Variants in ATAD3C observed in about 807,000 individuals in gnomAD.
ATAD3C encodes the protein ATPase family AAA domain-containing protein 3C.
Under a neutral mutation model 46.3 loss-of-function variants are expected in ATAD3C, and 38 were observed. The observed-to-expected ratio is 0.82, with a 90% CI of 0.63 to 1.08. The LOEUF is 1.08. ATAD3C is among the 50% of genes least tolerant of loss of function. ATAD3C has a pLI of 0.00. For missense variants in ATAD3C, 563 were observed against 572.7 expected (o/e 0.98, Z 0.17); for synonymous variants, 220 against 236.4 (o/e 0.93, Z 0.63).
chr1:1,466,275 C>CGGT, intron 11 of ATAD3C, among the ~76,000 whole-genome samples: 1 of 148,862 alleles, frequency 6.7e-6, no homozygotes, highest in African/African-American at 2.5e-5. Flanking sequence ...TGGCTGGGCG[C>CGGT]GGTGGCTCAC....
At chr1:1,454,253 C>CGGAGAGAGGGTGGGGGCA (rs1553198338) in intron 3 of ATAD3C, 92 bp from the exon 4 acceptor site, 14 of 1,488,270 alleles carry the variant, frequency 9.4e-6, no homozygotes, top group Non-Finnish European at 1.3e-5. Flanking sequence ...CTCCCTCAGG[C>CGGAGAGAGGGTGGGGGCA]GGAGAGAGGG....
intron 8 of ATAD3C, 30 bp downstream of exon 8, chr1:1,457,210 C>T: frequency 6.2e-7 from 1 of 1,613,256 alleles, no homozygotes; most frequent in Non-Finnish European, 8.5e-7. Context: ...TGTCTGGCCA[C>T]AGGAGGGTGG....
At chr1:1,457,453 G>T (rs1259910098) in intron 8 of ATAD3C, among the ~76,000 whole-genome samples, 2 of 151,280 alleles carry the variant, frequency 1.3e-5, no homozygotes, top group South Asian at 4.2e-4. Flanking sequence ...AAAATTAGCT[G>T]TGCGTGGTGG....
chr1:1,457,944 G>A (rs1310193696), intron 8 of ATAD3C, among the ~76,000 whole-genome samples: 1 of 151,372 alleles, frequency 6.6e-6, no homozygotes, highest in African/African-American at 2.4e-5. Context: ...TCAAAGTGCT[G>A]GTATTATAGG....
Position 1,449,915 on chromosome 1 carries a change from T to C in ATAD3C, c.-769T>C, listed in dbSNP as rs1638825823. 1.3e-5 allele frequency: 2 copies of C among 152,062 alleles called. No individual in the cohort carries two copies. Among genetic ancestry groups the C allele is most frequent in the Non-Finnish European group, 2.9e-5 (2 of 67,958 alleles). 9.4% of individuals were successfully genotyped at this position (152,062 alleles called of 1,614,324 possible). On this transcript the variant is annotated 5_prime_UTR_variant, in exon 1 of 12. Transcript: ENST00000378785. Reference sequence around the variant, plus strand: ...AGGAACAAAATGTAACTGAGGACGTTGTCAGATGCTTGTCCTCGTCACCCT... The same window carrying C: ...AGGAACAAAATGTAACTGAGGACGTCGTCAGATGCTTGTCCTCGTCACCCT...
rs750790255 is a variant in ATAD3C at position 1,462,584 on chromosome 1, G to A, written c.981-16G>A. 3.2e-6 allele frequency: 5 copies of A among 1,579,936 alleles called. No homozygotes were observed. The South Asian group carries it at 5.8e-5, about 18-fold the overall frequency. Reference sequence around the variant, plus strand: ...GCTGCTGCCTTGGCCGGCCCACTTGGGAACTCCTTCCCCAGGCGTCTGAAG... The same window carrying A: ...GCTGCTGCCTTGGCCGGCCCACTTGAGAACTCCTTCCCCAGGCGTCTGAAG... On this transcript the variant is annotated splice_polypyrimidine_tract_variant and intron_variant, in intron 10 of 11. Coordinates refer to ENST00000378785, the MANE Select transcript of ATAD3C (RefSeq NM_001039211.3). This position sits in a 1 kb window ranked among gnomAD's most constrained non-coding sequence, Gnocchi z 4.5.
intron 11 of ATAD3C, among the ~76,000 whole-genome samples, chr1:1,464,043 A>T (rs1639109876): frequency 6.6e-6 from 1 of 151,410 alleles, no homozygotes; most frequent in Admixed American, 6.6e-5. Flanking sequence ...ACCTCTACTA[A>T]AAATACAAAA....
At chr1:1,452,514 C>G in intron 3 of ATAD3C, 80 bp downstream of exon 3, 1 of 1,602,614 alleles carries the variant, frequency 6.2e-7, no homozygotes. Flanking sequence ...AGGTCCTATC[C>G]CTGCTGGCTC....
At position 1,454,815 on chromosome 1, in the gene ATAD3C, T is replaced by C. The variant is rs559943550; in HGVS notation, c.378+315T>C. On this transcript the variant is annotated intron_variant, in intron 4 of 11. Coordinates refer to ENST00000378785, the MANE Select transcript of ATAD3C (RefSeq NM_001039211.3). ...TCGGGGAAGCTGCTACAGGCCACAG[T>C]GTCTGGCGGCCTCCCTGGGGAGCCG... Among the ~76,000 whole-genome samples the C allele has an allele frequency of 5.7e-4, 86 of 151,862 alleles. 1 individual carries two copies. Among genetic ancestry groups the C allele is most frequent in the East Asian group, 9.7e-4 (5 of 5,174 alleles).
At position 1,462,758 on chromosome 1, in the gene ATAD3C, C is replaced by T. The variant is rs1349285204; in HGVS notation, c.1089+50C>T. 2 of 1,543,716 alleles carry T rather than the reference C, an allele frequency of 1.3e-6. No individual in the cohort carries two copies. Among genetic ancestry groups the T allele is most frequent in the Admixed American group, 3.8e-5 (2 of 52,356 alleles). ...CCCAGATGGAAGCCCAGCTGCTGTGCAGATGCTTGGTTGCGCCAGGCCTGT... is the reference window on the plus strand; with the variant it reads ...CCCAGATGGAAGCCCAGCTGCTGTGTAGATGCTTGGTTGCGCCAGGCCTGT... On this transcript the variant is annotated intron_variant, in intron 11 of 11. Transcript: ENST00000378785. The surrounding 1 kb of genome is among the most constrained non-coding windows in gnomAD (Gnocchi z 4.5).
rs547615616 is a variant in ATAD3C at position 1,462,542 on chromosome 1, C to T, written c.981-58C>T. 74 of 1,493,368 alleles carry T rather than the reference C, an allele frequency of 5.0e-5. 1 individual carries two copies. In the East Asian group the frequency reaches 1.4e-3, roughly 28 times the overall value. The allele number at this position is 1,493,368 out of a possible 1,614,324, so 92.5% of individuals were successfully genotyped here. On this transcript the variant is annotated intron_variant, in intron 10 of 11. Coordinates refer to ENST00000378785, the MANE Select transcript of ATAD3C (RefSeq NM_001039211.3). This position sits in a 1 kb window ranked among gnomAD's most constrained non-coding sequence, Gnocchi z 4.5. ...GCCTGGCTGCCTGTCTTCCGGCCTC[C>T]ACCTCGTGGTGTGGGAGCTGCTGCC...
rs1347316009 is a variant in ATAD3C, at chr1:1,460,696, G to T, written c.813-54G>T. ...GGGGCTGAGGAGCACCTGTTCCCCT[G>T]GGGACAGCTCGGCCGGCAGCCCCAG... is the stretch of plus-strand genomic sequence containing the variant. On this transcript the variant is annotated intron_variant, in intron 9 of 11. Transcript: ENST00000378785. 63 of 1,534,832 alleles carry T rather than the reference G, an allele frequency of 4.1e-5. 1 individual carries two copies. Among genetic ancestry groups the T allele is most frequent in the Non-Finnish European group, 5.2e-5 (59 of 1,139,508 alleles).
chr1:1,465,054 T>A (rs1639124960), intron 11 of ATAD3C, among the ~76,000 whole-genome samples: 1 of 150,956 alleles, frequency 6.6e-6, no homozygotes, highest in East Asian at 2.0e-4. Flanking sequence ...CCCGGCTAAT[T>A]TTTGTATTTT....
chr1:1,451,847 G>T (rs1421347730), intron 1 of ATAD3C, among the ~76,000 whole-genome samples, 199 bp from the exon 2 acceptor site: 1 of 152,108 alleles, frequency 6.6e-6, no homozygotes, highest in East Asian at 1.9e-4. Context: ...GGGAGTTTGG[G>T]CCCCTGAACC....
Position 1,462,671 on chromosome 1 carries a change from C to A in ATAD3C, c.1052C>A (p.Ser351Ter). Residue 351 changes from serine (S) to a stop codon, truncating the protein, a stop_gained, in exon 11 of 12, where the codon TCA (serine) becomes TAA (stop). Transcript: ENST00000378785. LOFTEE classifies it low-confidence loss of function (END_TRUNC). This position sits in a 1 kb window ranked among gnomAD's most constrained non-coding sequence, Gnocchi z 4.5. Reference sequence around the variant, plus strand: ...ATCGCTCGGCTGACAGAGGGCATGTCATGCCGGAAGATCGCACAGCTGGCC... The same window carrying A: ...ATCGCTCGGCTGACAGAGGGCATGTAATGCCGGAAGATCGCACAGCTGGCC... ...LEIARLTEGM[S>*]CRKIAQLAVS... 1 of 1,606,838 alleles carries A rather than the reference C, an allele frequency of 6.2e-7. No homozygotes were observed. The highest frequency in any genetic ancestry group is 8.5e-7 in the Non-Finnish European group (1 of 1,177,136).
In ATAD3C at chr1:1,452,129, G is replaced by A. The variant is rs570155450; in HGVS notation, c.152+7G>A. The A allele has an allele frequency of 2.7e-4, 443 of 1,612,952 alleles. 9 individuals carry two copies. The Admixed American group carries it at 6.8e-3, about 25-fold the overall frequency. On this transcript the variant is annotated splice_region_variant and intron_variant, in intron 2 of 11. Transcript: ENST00000378785. ...CCTTCTTGGAGTCCATCAGGTGAGC[G>A]CTGCCGAGGCCCGGGCCGGCCGCAG...
rs1398349615 is a variant in ATAD3C, at chr1:1,455,395, T to C, written c.379-65T>C. On this transcript the variant is annotated intron_variant, in intron 4 of 11. Transcript: ENST00000378785. Reference sequence around the variant, plus strand: ...GTTTCTGCGTGTTACCGAGCTTGTGTGTGCGTTGGTGGCTGTTCCGTGGCT... The same window carrying C: ...GTTTCTGCGTGTTACCGAGCTTGTGCGTGCGTTGGTGGCTGTTCCGTGGCT... The C allele has an allele frequency of 2.5e-6, 4 of 1,588,052 alleles. 1 individual carries two copies. The highest frequency in any genetic ancestry group is 3.4e-6 in the Non-Finnish European group (4 of 1,164,582).
Position 1,462,797 on chromosome 1 carries a change from T to TCATAGAGCAAACC in ATAD3C, c.1089+91_1089+92insTAGAGCAAACCCA. The TCATAGAGCAAACC allele has an allele frequency of 7.0e-7, 1 of 1,434,956 alleles. No individual in the cohort carries two copies. The allele number at this position is 1,434,956 out of a possible 1,614,324, so 88.9% of individuals were successfully genotyped here. ...CGCCAGGCCTGTCCCAGCACCGGTGTCACGTGGGAGCTTCTGTTGAGGGGT... is the reference window on the plus strand; with the variant it reads ...CGCCAGGCCTGTCCCAGCACCGGTGTCATAGAGCAAACCCACGTGGGAGCTTCTGTTGAGGGGT... On this transcript the variant is annotated intron_variant, in intron 11 of 11. Coordinates refer to ENST00000378785, the MANE Select transcript of ATAD3C (RefSeq NM_001039211.3). This position sits in a 1 kb window ranked among gnomAD's most constrained non-coding sequence, Gnocchi z 4.5.
intron 11 of ATAD3C, among the ~76,000 whole-genome samples, chr1:1,465,588 TTAAAA>T (rs1639132125): frequency 7.1e-6 from 1 of 141,570 alleles, no homozygotes; most frequent in African/African-American, 2.7e-5. Context: ...AAGACTGTCT[TTAAAA>T]AAAAAAAAAA....
Sources: gnomAD v4.1 joint callset for allele counts (sites outside exome capture counted in the v4.1 genomes callset) on GRCh38, gnomAD v4.1.1 for gene constraint, Gnocchi (gnomAD v3.1) non-coding constraint, MANE v1.5 for transcripts, NCBI Gene and HGNC (gene_info 2026-07-23, HGNC 2026-07-21) for gene names.